The following SLC35E4 variants were observed in gnomAD, a reference collection of about 807,000 sequenced individuals.
SLC35E4 encodes the protein solute carrier family 35 member E4, also known as solute carrier family 35, member E4.
SLC35E4 carries 15 observed loss-of-function variants against 19.3 expected under a neutral mutation model. The observed-to-expected ratio is 0.78, with a 90% CI of 0.52 to 1.20. The LOEUF is 1.20. Ranked by LOEUF, SLC35E4 falls within the 50% of genes most tolerant of loss-of-function variation. SLC35E4 has a pLI of 0.00. For missense variants in SLC35E4, 406 were observed against 472.3 expected, an observed-to-expected ratio of 0.86 and a Z score of 1.30; for synonymous variants, 219 against 219.9, an observed-to-expected ratio of 1.00 and a Z score of 0.04.
At chr22:30,663,767 G>C (rs1246594038), downstream of SLC35E4, 1 of 1,614,226 alleles carries the variant, frequency 6.2e-7, no homozygotes, top group Non-Finnish European at 8.5e-7. Flanking sequence ...AGAAGTCACA[G>C]AGACGTGAGT....
intron 1 of SLC35E4, among the ~76,000 whole-genome samples, chr22:30,642,382 G>A (rs1260946439): frequency 1.3e-5 from 2 of 152,172 alleles, no homozygotes; most frequent in African/African-American, 2.4e-5. Flanking sequence ...TCAGACGTGA[G>A]TGTACGTGGC....
chr22:30,644,384 C>T lies in SLC35E4; in HGVS notation c.620-2214C>T, dbSNP rs559252531. On this transcript the variant is annotated intron_variant, in intron 1 of 1. Coordinates refer to ENST00000343605, the MANE Select transcript of SLC35E4 (RefSeq NM_001001479.4). ...CAGAGGCCTGGGAGGGGACCTGTGTCGACTACTCATCTCTCTCCACTAACT... is the reference window on the plus strand; with the variant it reads ...CAGAGGCCTGGGAGGGGACCTGTGTTGACTACTCATCTCTCTCCACTAACT... Among the ~76,000 whole-genome samples, 8 of 152,258 alleles carry T rather than the reference C, an allele frequency of 5.3e-5. No homozygotes were observed. The East Asian group carries it at 5.8e-4, about 11-fold the overall frequency.
chr22:30,636,869 C>G lies in SLC35E4; in HGVS notation c.419C>G (p.Thr140Ser). 1 of 1,612,950 alleles carries G rather than the reference C, an allele frequency of 6.2e-7. No homozygotes were observed. The highest frequency in any genetic ancestry group is 2.2e-5 in the East Asian group (1 of 44,874). Residue 140 changes from threonine (T) to serine (S), a missense_variant, in exon 1 of 2, where the codon ACT (threonine) becomes AGT (serine). By Grantham distance (58) the Thr-to-Ser change is moderately conservative. Transcript: ENST00000343605. ...CCCCTGGACCTGGCACAACTGGTTA[C>G]TACCACCACACCTCTGTTCACCCTG... ...AVPLDLAQLV[T>S]TTTPLFTLAL...
chr22:30,663,386 TCAA>T (rs759310828), downstream of SLC35E4: 40 of 1,525,906 alleles, frequency 2.6e-5, no homozygotes, highest in Non-Finnish European at 3.5e-5. Context: ...TGGTGTAAGA[TCAA>T]CAATAGATCT....
chr22:30,654,588 G>GGAAGTGGTGGGGGCCCA, intron 2 of SLC35E4: 1 of 460,922 alleles, frequency 2.2e-6, no homozygotes, highest in Non-Finnish European at 4.3e-6. Flanking sequence ...CTGGGGACCC[G>GGAAGTGGTGGGGGCCCA]GAAGTGGTGG....
Position 30,636,322 on chromosome 22 carries a change from C to T in SLC35E4, c.-129C>T, listed in dbSNP as rs4820891. 743,061 of 1,280,954 alleles carry T rather than the reference C, an allele frequency of 0.58. 220,622 individuals carry two copies. The highest frequency in any genetic ancestry group is 0.86 in the African/African-American group (57,215 of 66,746). The allele number at this position is 1,280,954 out of a possible 1,614,324, so 79.3% of individuals were successfully genotyped here. On this transcript the variant is annotated 5_prime_UTR_variant, in exon 1 of 2. Transcript: ENST00000343605. ...CAGGCCTGGCACAAGTAAGCAGTGTCCTCACCTGTCTGAAACGGGACACGG... is the reference window on the plus strand; with the variant it reads ...CAGGCCTGGCACAAGTAAGCAGTGTTCTCACCTGTCTGAAACGGGACACGG...
chr22:30,644,467 G>A (rs979803577), intron 1 of SLC35E4, among the ~76,000 whole-genome samples: 1 of 152,134 alleles, frequency 6.6e-6, no homozygotes, highest in Non-Finnish European at 1.5e-5. Context: ...TCAGCCAGGC[G>A]CAATGGCTCA....
chr22:30,650,293 T>C (rs1481107283), downstream of SLC35E4, among the ~76,000 whole-genome samples: 3 of 150,724 alleles, frequency 2.0e-5, no homozygotes, highest in Non-Finnish European at 4.4e-5. Context: ...GATCATGCCA[T>C]TGCACTGTAG....
At chr22:30,667,839 G>C (rs1045451847), downstream of SLC35E4, 3 of 152,574 alleles carry the variant, frequency 2.0e-5, no homozygotes, top group East Asian at 5.8e-4. Context: ...CTGCAGCCGA[G>C]AGACAGTCTC....
At chr22:30,668,707 A>C (rs1046271639) in exon 3 of SLC35E4, 1 of 152,302 alleles carries the variant, frequency 6.6e-6, no homozygotes, top group African/African-American at 2.4e-5. Flanking sequence ...TGTGTTCCCC[A>C]GTGGTCCTGG....
Position 30,636,398 on chromosome 22 carries a change from C to A in SLC35E4, c.-53C>A, listed in dbSNP as rs915901515. 2 of 1,441,312 alleles carry A rather than the reference C, an allele frequency of 1.4e-6. No homozygotes were observed. Among genetic ancestry groups the A allele is most frequent in the Non-Finnish European group, 9.1e-7 (1 of 1,097,470 alleles). The allele number at this position is 1,441,312 out of a possible 1,614,324, so 89.3% of individuals were successfully genotyped here. A position where few individuals can be genotyped will look rare whatever the true frequency, so the allele number is the denominator to read the frequency against. Reference sequence around the variant, plus strand: ...GGCCCCAAGCGGAACTCTCTGGTGGCCCAGAGGTCGTCACTGGGGAGCCCG... The same window carrying A: ...GGCCCCAAGCGGAACTCTCTGGTGGACCAGAGGTCGTCACTGGGGAGCCCG... On this transcript the variant is annotated 5_prime_UTR_variant, in exon 1 of 2. Transcript: ENST00000343605.
intron 2 of SLC35E4, among the ~76,000 whole-genome samples, chr22:30,656,021 G>T (rs1314840863): frequency 6.6e-6 from 1 of 151,814 alleles, no homozygotes; most frequent in African/African-American, 2.4e-5. Flanking sequence ...TGCTGAGGAC[G>T]CAGTGCAGTG....
At chr22:30,662,776 C>T (rs2088515089) in exon 3 of SLC35E4, 1 of 152,104 alleles carries the variant, frequency 6.6e-6, no homozygotes, top group Non-Finnish European at 1.5e-5. Context: ...CTACAGTGAG[C>T]CATGATCACA....
At chr22:30,653,725 C>T (rs1254261701) in intron 2 of SLC35E4, among the ~76,000 whole-genome samples, 1 of 151,924 alleles carries the variant, frequency 6.6e-6, no homozygotes, top group Non-Finnish European at 1.5e-5. Context: ...GCTGCCTAGG[C>T]TGGGAATTTC....
intron 2 of SLC35E4, among the ~76,000 whole-genome samples, chr22:30,652,970 G>C (rs916896300): frequency 1.3e-5 from 2 of 152,194 alleles, no homozygotes; most frequent in Non-Finnish European, 1.5e-5. Context: ...AATATCTATT[G>C]AATGAGTGAT....
chr22:30,664,125 C>G, downstream of SLC35E4: 1 of 906,352 alleles, frequency 1.1e-6, no homozygotes, highest in Admixed American at 2.6e-5. Flanking sequence ...GCCCAGAGGG[C>G]CAATTCCAGG....
Position 30,638,600 on chromosome 22 carries a change from T to C in SLC35E4, c.619+1531T>C, listed in dbSNP as rs986313550. Among the ~76,000 whole-genome samples, 4 of 145,076 alleles carry C rather than the reference T, an allele frequency of 2.8e-5. No homozygotes were observed. The Admixed American group carries it at 2.8e-4, about 10-fold the overall frequency. On this transcript the variant is annotated intron_variant, in intron 1 of 1. Coordinates refer to ENST00000343605, the MANE Select transcript of SLC35E4 (RefSeq NM_001001479.4). ...GCCGAGGCAAGTGGATCACCTGAGG[T>C]CAGGAGTTCGAGACCAGCCTGGCCA...
chr22:30,667,548 G>T (rs3804080), downstream of SLC35E4: 1 of 152,292 alleles, frequency 6.6e-6, no homozygotes. Flanking sequence ...AGAGAGACCC[G>T]TCATGATCCC....
chr22:30,649,785 G>A (rs944449704), downstream of SLC35E4, among the ~76,000 whole-genome samples: 4 of 149,750 alleles, frequency 2.7e-5, no homozygotes, highest in African/African-American at 9.9e-5. Context: ...GCCATAGCAG[G>A]GACCTCCCTG....
Sources: allele counts gnomAD v4.1 joint callset (sites outside exome capture counted in the v4.1 genomes callset), GRCh38; gene constraint gnomAD v4.1.1; transcripts MANE v1.5; gene names NCBI Gene and HGNC (gene_info 2026-07-23, HGNC 2026-07-21).